The following FSHR variants were observed in gnomAD, a reference collection of about 807,000 sequenced individuals.
FSHR encodes the protein follicle-stimulating hormone receptor.
In FSHR, 46 loss-of-function variants were observed where a neutral mutation model predicts 52.1. That is an observed-to-expected ratio of 0.88 (90% CI 0.70 to 1.13). FSHR has a LOEUF of 1.13. Ranked by LOEUF, FSHR falls within the 50% of genes most tolerant of loss-of-function variation. The probability of loss-of-function intolerance (pLI) is 0.00; values close to 1 mark genes in which losing one functional copy is unlikely to be tolerated. For synonymous variants in FSHR, 399 were observed against 309.6 expected (o/e 1.29, Z -3.03); for missense variants, 964 against 834.6 (o/e 1.16, Z -1.91).
At chr2:49,001,940 T>C (rs751090922) in intron 4 of FSHR, among the ~76,000 whole-genome samples, 24 of 152,144 alleles carry the variant, frequency 1.6e-4, no homozygotes, top group Admixed American at 6.6e-5. Context: ...TTTAGAAGAT[T>C]GGAAGGTAAC....
chr2:49,047,991 G>A (rs1572677308), intron 2 of FSHR, among the ~76,000 whole-genome samples: 1 of 152,224 alleles, frequency 6.6e-6, no homozygotes, highest in East Asian at 1.9e-4. Flanking sequence ...TGAGTCTCCT[G>A]CCTCAGCCTC....
chr2:49,018,124 C>T (rs987284071), intron 3 of FSHR, among the ~76,000 whole-genome samples: 10 of 152,126 alleles, frequency 6.6e-5, no homozygotes, highest in Middle Eastern at 3.2e-3. Flanking sequence ...GAAAAACAAT[C>T]GATATCTTTT....
chr2:49,096,411 T>C (rs530966855), intron 1 of FSHR, among the ~76,000 whole-genome samples: 1 of 152,328 alleles, frequency 6.6e-6, no homozygotes, highest in Non-Finnish European at 1.5e-5. Context: ...TGGGCAAATA[T>C]ATAGAAACAA....
At chr2:49,085,477 G>A (rs1228928835) in intron 1 of FSHR, among the ~76,000 whole-genome samples, 5 of 152,190 alleles carry the variant, frequency 3.3e-5, no homozygotes, top group Non-Finnish European at 7.3e-5. Flanking sequence ...TCAACATAGT[G>A]TTGGAAGTTC....
chr2:49,061,526 A>G lies in FSHR; in HGVS notation c.224+6693T>C, dbSNP rs150861449. On this transcript the variant is annotated intron_variant, in intron 2 of 9. Transcript: ENST00000406846. Reference sequence around the variant, plus strand: ...AGGATATGATTCTAAATATATATATATTTAGATATATAAAAATAAATACAT... The same window carrying G: ...AGGATATGATTCTAAATATATATATGTTTAGATATATAAAAATAAATACAT... Among the ~76,000 whole-genome samples, 1,138 of 146,108 alleles carry G rather than the reference A, an allele frequency of 7.8e-3. 17 individuals carry two copies. The highest frequency in any genetic ancestry group is 0.027 in the African/African-American group (1,094 of 40,124).
chr2:49,073,241 T>C (rs766585420), intron 1 of FSHR, among the ~76,000 whole-genome samples: 2 of 151,972 alleles, frequency 1.3e-5, no homozygotes, highest in Non-Finnish European at 2.9e-5. Context: ...ATAAAGGTCA[T>C]CCAAATTGGA....
At chr2:49,137,924 CA>C (rs1243171866) in intron 1 of FSHR, among the ~76,000 whole-genome samples, 2 of 151,584 alleles carry the variant, frequency 1.3e-5, no homozygotes, top group Non-Finnish European at 2.9e-5. Flanking sequence ...ACCAAAAGCA[CA>C]AAAAAAGAAT....
chr2:49,085,883 G>A (rs11890700), intron 1 of FSHR, among the ~76,000 whole-genome samples: 36,913 of 150,544 alleles, frequency 0.25, 4,663 homozygotes, highest in African/African-American at 0.3. Context: ...CAAACACCGC[G>A]TGTTCTCGCT....
chr2:49,030,734 G>T (rs983902350), intron 2 of FSHR, among the ~76,000 whole-genome samples: 58 of 152,124 alleles, frequency 3.8e-4, no homozygotes, highest in Non-Finnish European at 1.2e-4. Context: ...TTACAGGTCT[G>T]TATTCTCTGA....
intron 4 of FSHR, among the ~76,000 whole-genome samples, chr2:49,008,820 G>A (rs1479073251): frequency 2.7e-5 from 4 of 147,730 alleles, no homozygotes; most frequent in African/African-American, 1.0e-4. Context: ...CTGCATAAAT[G>A]TCTTCTTTTG....
At chr2:48,985,281 A>G (rs1395370688) in intron 6 of FSHR, among the ~76,000 whole-genome samples, 2 of 152,168 alleles carry the variant, frequency 1.3e-5, no homozygotes, top group Non-Finnish European at 2.9e-5. Context: ...CTCTCATCCT[A>G]AAGAGTGGAG....
At chr2:49,096,392 T>C (rs1028625535) in intron 1 of FSHR, among the ~76,000 whole-genome samples, 1 of 152,246 alleles carries the variant, frequency 6.6e-6, no homozygotes, top group Non-Finnish European at 1.5e-5. Context: ...TTACATGAAA[T>C]GCCCAGAATG....
chr2:49,040,370 C>T (rs551042598), intron 2 of FSHR, among the ~76,000 whole-genome samples: 7 of 152,208 alleles, frequency 4.6e-5, no homozygotes, highest in African/African-American at 1.4e-4. Flanking sequence ...TCTAATTTTT[C>T]TCCCTGACCA....
At chr2:49,067,769 C>A (rs982474714) in intron 2 of FSHR, among the ~76,000 whole-genome samples, 1 of 151,994 alleles carries the variant, frequency 6.6e-6, no homozygotes, top group Non-Finnish European at 1.5e-5. Flanking sequence ...CTTTGAAATG[C>A]TTATATATCA....
chr2:49,104,728 T>C (rs1671161966), intron 1 of FSHR, among the ~76,000 whole-genome samples: 1 of 152,098 alleles, frequency 6.6e-6, no homozygotes, highest in Non-Finnish European at 1.5e-5. Flanking sequence ...TTCTTCTCTA[T>C]CTCTGATTGC....
chr2:49,068,278 G>A lies in FSHR; in HGVS notation c.165C>T (p.Leu55=). 6.2e-7 allele frequency: 1 copy of A among 1,611,546 alleles called. No individual in the cohort carries two copies. ...PRNAIELRFV[L]TKLRVIQKGA... is the part of the protein sequence containing the mutation. ...CTTTTTGGATGACTCGAAGCTTGGT[G>A]AGGACAAACCTCCTGCAAAGAGAGT... The change falls in exon 2 of 10, where the codon CTC becomes CTT. Residue 55 remains leucine, a synonymous_variant. Coordinates refer to ENST00000406846, the MANE Select transcript of FSHR (RefSeq NM_000145.4).
chr2:48,987,480 G>T (rs1675562946), intron 6 of FSHR, among the ~76,000 whole-genome samples: 1 of 152,016 alleles, frequency 6.6e-6, no homozygotes, highest in Non-Finnish European at 1.5e-5. Flanking sequence ...AAAGTGCTTG[G>T]ATTACAGGCA....
chr2:49,026,017 C>T (rs1667900594), intron 2 of FSHR, among the ~76,000 whole-genome samples: 1 of 152,194 alleles, frequency 6.6e-6, no homozygotes, highest in Non-Finnish European at 1.5e-5. Context: ...CTTTTACCTC[C>T]TCAGATGACA....
intron 1 of FSHR, among the ~76,000 whole-genome samples, chr2:49,084,642 A>G (rs1670307524): frequency 6.6e-6 from 1 of 152,234 alleles, no homozygotes. Flanking sequence ...AGTAGACGCA[A>G]TAAAAAATGA....
Sources: gnomAD v4.1 joint callset for allele counts (sites outside exome capture counted in the v4.1 genomes callset) on GRCh38, gnomAD v4.1.1 for gene constraint, MANE v1.5 for transcripts, NCBI Gene and HGNC (gene_info 2026-07-23, HGNC 2026-07-21) for gene names.